ABHD17B: variants seen among roughly 807,000 people sequenced by gnomAD.
ABHD17B encodes alpha/beta hydrolase domain-containing protein 17B.
A neutral mutation model predicts 26.2 loss-of-function variants in ABHD17B; 9 were observed. The observed-to-expected ratio is 0.34, with a 90% CI of 0.21 to 0.60. The LOEUF (loss-of-function observed/expected upper bound fraction) is 0.60, where lower values mean the gene tolerates loss of function less well. Among genes scored for constraint, ABHD17B ranks in the 20% least tolerant of loss-of-function variants. The pLI, the probability that ABHD17B is intolerant of heterozygous loss-of-function variation, is 0.80. For synonymous variants in ABHD17B, 127 were observed against 122.3 expected, an observed-to-expected ratio of 1.04 and a Z score of -0.25; for missense variants, 224 against 352.1, an observed-to-expected ratio of 0.64 and a Z score of 2.91.
Position 71,872,636 on chromosome 9 carries a change from A to T in ABHD17B, c.467+1978T>A, listed in dbSNP as rs78225164. 8.2e-3 allele frequency among the ~76,000 whole-genome samples: 1,245 copies of T among 152,260 alleles called. 17 individuals are homozygous for T. Among genetic ancestry groups the T allele is most frequent in the African/African-American group, 0.028 (1,154 of 41,536 alleles). ...CTGAAGTTAACCTTTAAAAGTGTGA[A>T]CCTTATCACTCAATAAAGCTATTTT... On this transcript the variant is annotated intron_variant, in intron 2 of 3. Transcript: ENST00000333421.
At chr9:71,868,452 A>T (rs1355057399) in intron 3 of ABHD17B, among the ~76,000 whole-genome samples, 1 of 152,192 alleles carries the variant, frequency 6.6e-6, no homozygotes, top group Non-Finnish European at 1.5e-5. Flanking sequence ...GGCAACTTGG[A>T]GGACACAGAA....
chr9:71,869,970 T>C (rs1826063502), intron 3 of ABHD17B, 113 bp downstream of exon 3: 1 of 968,976 alleles, frequency 1.0e-6, no homozygotes, highest in Non-Finnish European at 1.5e-6. Flanking sequence ...TTCTATGTGC[T>C]AATATATATA....
downstream of ABHD17B, chr9:71,865,090 AT>A (rs913078910): frequency 1.3e-4 from 122 of 927,902 alleles, no homozygotes; most frequent in African/African-American, 1.3e-3. Flanking sequence ...ACGAAGGGTA[AT>A]TTTTTTTCAC....
At chr9:71,879,842 G>A (rs1416214950) in intron 1 of ABHD17B, among the ~76,000 whole-genome samples, 1 of 152,114 alleles carries the variant, frequency 6.6e-6, no homozygotes, top group Non-Finnish European at 1.5e-5. Context: ...TGAGAAAACA[G>A]AGGCATAGAA....
intron 1 of ABHD17B, among the ~76,000 whole-genome samples, chr9:71,906,288 T>TA (rs532551880): frequency 2.0e-4 from 30 of 152,344 alleles, no homozygotes; most frequent in African/African-American, 7.0e-4. Context: ...TATTTCTGTT[T>TA]AAACTTTTCT....
chr9:71,873,288 TG>T (rs942080996), intron 2 of ABHD17B, among the ~76,000 whole-genome samples: 10 of 152,184 alleles, frequency 6.6e-5, no homozygotes, highest in African/African-American at 2.4e-4. Context: ...TTAGGTATCT[TG>T]GTGACTAGAA....
At chr9:71,868,111 C>T (rs1014364026) in intron 3 of ABHD17B, among the ~76,000 whole-genome samples, 1 of 151,238 alleles carries the variant, frequency 6.6e-6, no homozygotes, top group African/African-American at 2.4e-5. Flanking sequence ...CCCAGCTACT[C>T]GCGAGGCTGA....
At chr9:71,878,843 G>C (rs947176505) in intron 1 of ABHD17B, among the ~76,000 whole-genome samples, 7 of 152,060 alleles carry the variant, frequency 4.6e-5, no homozygotes, top group African/African-American at 1.4e-4. Context: ...AAAAACTCCA[G>C]CAAGGAGGGA....
intron 1 of ABHD17B, among the ~76,000 whole-genome samples, chr9:71,893,585 A>AT (rs1826860405): frequency 2.6e-5 from 4 of 152,302 alleles, no homozygotes; most frequent in Admixed American, 2.6e-4. Context: ...GTCCTTTTGG[A>AT]TTTTTATGGA....
At chr9:71,883,866 G>T (rs1259682822) in intron 1 of ABHD17B, among the ~76,000 whole-genome samples, 4 of 152,134 alleles carry the variant, frequency 2.6e-5, no homozygotes, top group Non-Finnish European at 4.4e-5. Context: ...GAGCCTGGGA[G>T]GCAGAGGTTG....
In ABHD17B at chr9:71,898,453, G is replaced by C. The variant is rs191711444; in HGVS notation, c.-4+12181C>G. Among the ~76,000 whole-genome samples the C allele has an allele frequency of 3.6e-3, 531 of 145,522 alleles. 2 individuals are homozygous for C. Among genetic ancestry groups the C allele is most frequent in the Non-Finnish European group, 6.1e-3 (407 of 66,640 alleles). ...TCGAGACCAGCCTGACCAACATGGC[G>C]AAACTCCATCTCTACTAAAAAAAAA... is the stretch of plus-strand genomic sequence containing the variant. On this transcript the variant is annotated intron_variant, in intron 1 of 3. Coordinates refer to ENST00000333421, the MANE Select transcript of ABHD17B (RefSeq NM_001025780.3).
intron 1 of ABHD17B, among the ~76,000 whole-genome samples, chr9:71,910,091 C>T (rs1253110748): frequency 6.6e-6 from 1 of 151,916 alleles, no homozygotes; most frequent in Non-Finnish European, 1.5e-5. Flanking sequence ...GAAAAAGAAC[C>T]CTACGACAGC....
chr9:71,870,875 T>C (rs1239628353), intron 2 of ABHD17B, among the ~76,000 whole-genome samples: 1 of 152,244 alleles, frequency 6.6e-6, no homozygotes, highest in Non-Finnish European at 1.5e-5. Context: ...AAACACCACA[T>C]GGTCCAATTA....
At chr9:71,863,089 T>C (rs1276343321), downstream of ABHD17B, among the ~76,000 whole-genome samples, 1 of 152,172 alleles carries the variant, frequency 6.6e-6, no homozygotes, top group African/African-American at 2.4e-5. Context: ...AGTATGAAGA[T>C]GACAAACTAG....
rs41316478 is a variant in ABHD17B at position 71,874,604 on chromosome 9, C to A, written c.467+10G>T. 4 of 1,531,928 alleles carry A rather than the reference C, an allele frequency of 2.6e-6. No individual in the cohort carries two copies. Among genetic ancestry groups the A allele is most frequent in the Non-Finnish European group, 3.5e-6 (4 of 1,141,274 alleles). The allele number at this position is 1,531,928 out of a possible 1,614,324, so 94.9% of individuals were successfully genotyped here. A position where few individuals can be genotyped will look rare whatever the true frequency, so the allele number is the denominator to read the frequency against. ...ACGAGTATGAAAAATAAATTCCAACCACAATTTACCTTGTCCTAAGAGCAA... is the reference window on the plus strand; with the variant it reads ...ACGAGTATGAAAAATAAATTCCAACAACAATTTACCTTGTCCTAAGAGCAA... On this transcript the variant is annotated intron_variant, in intron 2 of 3. Coordinates refer to ENST00000333421, the MANE Select transcript of ABHD17B (RefSeq NM_001025780.3).
chr9:71,887,063 T>G (rs1826632335), intron 1 of ABHD17B, among the ~76,000 whole-genome samples: 1 of 152,012 alleles, frequency 6.6e-6, no homozygotes, highest in Non-Finnish European at 1.5e-5. Context: ...TGGGTTTTGT[T>G]GGGGTAAACT....
At chr9:71,907,026 TA>T (rs1827305738) in intron 1 of ABHD17B, among the ~76,000 whole-genome samples, 1 of 152,210 alleles carries the variant, frequency 6.6e-6, no homozygotes, top group Admixed American at 6.5e-5. Context: ...ATGCTTTCTT[TA>T]AAGTACTGTA....
At chr9:71,880,289 T>G (rs942046109) in intron 1 of ABHD17B, among the ~76,000 whole-genome samples, 1 of 152,010 alleles carries the variant, frequency 6.6e-6, no homozygotes, top group Non-Finnish European at 1.5e-5. Context: ...ATCCCAAAAC[T>G]TAGAACTGTA....
At position 71,884,084 on chromosome 9, in the gene ABHD17B, G is replaced by A. The variant is rs143467297; in HGVS notation, c.-3-9001C>T. Among the ~76,000 whole-genome samples, 452 of 152,256 alleles carry A rather than the reference G, an allele frequency of 3.0e-3. 4 individuals are homozygous for A. The highest frequency in any genetic ancestry group is 0.011 in the African/African-American group (438 of 41,550). ...GAACAATGGGCAAAAGATAGGAATA[G>A]GCAATTCATATGGCTAACAAGTATA... On this transcript the variant is annotated intron_variant, in intron 1 of 3. Transcript: ENST00000333421.
Sources: gnomAD v4.1 joint callset for allele counts (sites outside exome capture counted in the v4.1 genomes callset) on GRCh38, gnomAD v4.1.1 for gene constraint, MANE v1.5 for transcripts, NCBI Gene and HGNC (gene_info 2026-07-23, HGNC 2026-07-21) for gene names.